AFG2A: variants seen among roughly 807,000 people sequenced by gnomAD.
The protein encoded by AFG2A is ATPase family gene 2 protein homolog A.
chr4:123,248,683 C>T, the AFG2A span, among the ~76,000 whole-genome samples: 1 of 152,022 alleles, frequency 6.6e-6, no homozygotes, highest in Non-Finnish European at 1.5e-5. Flanking sequence ...GAGAAGGGGG[C>T]AAGTAGAGAA....
the AFG2A span, among the ~76,000 whole-genome samples, chr4:122,996,417 A>G: frequency 6.6e-6 from 1 of 151,980 alleles, no homozygotes; most frequent in African/African-American, 2.4e-5. Flanking sequence ...GGTAGTTCCT[A>G]TTTTTTCAGA....
the AFG2A span, among the ~76,000 whole-genome samples, chr4:122,939,928 A>T: frequency 2.6e-5 from 4 of 152,132 alleles, no homozygotes; most frequent in Non-Finnish European, 5.9e-5. Flanking sequence ...GATGATTTCC[A>T]GTTTCATCCA....
the AFG2A span, among the ~76,000 whole-genome samples, chr4:123,015,201 T>TA: frequency 7.9e-5 from 12 of 151,244 alleles, no homozygotes; most frequent in Admixed American, 3.9e-4. Flanking sequence ...TTTTTTTTTT[T>TA]TAATTGATCA....
the AFG2A span, among the ~76,000 whole-genome samples, chr4:123,106,242 A>G: frequency 6.6e-6 from 1 of 152,304 alleles, no homozygotes; most frequent in South Asian, 2.1e-4. Context: ...TAAGGTATAT[A>G]TATTTTTCCC....
the AFG2A span, among the ~76,000 whole-genome samples, chr4:123,066,511 AT>A: frequency 2.6e-5 from 4 of 152,160 alleles, no homozygotes; most frequent in Non-Finnish European, 5.9e-5. Flanking sequence ...ATGTCTTCTG[AT>A]TTAATGCTCT....
the AFG2A span, among the ~76,000 whole-genome samples, chr4:123,247,582 A>ATGTCTGTTTGTT: frequency 1.3e-5 from 2 of 149,496 alleles, no homozygotes; most frequent in African/African-American, 2.5e-5. Flanking sequence ...GCTAATTTTT[A>ATGTCTGTTTGTT]TGTTTGTTTG....
At chr4:122,999,814 C>G in the AFG2A span, among the ~76,000 whole-genome samples, 2 of 151,892 alleles carry the variant, frequency 1.3e-5, no homozygotes, top group South Asian at 4.2e-4. Flanking sequence ...TCCATATGAA[C>G]TTTAAAGTAG....
the AFG2A span, among the ~76,000 whole-genome samples, chr4:123,112,999 A>G: frequency 6.6e-6 from 1 of 152,200 alleles, no homozygotes; most frequent in Admixed American, 6.5e-5. Flanking sequence ...AATAGAGGTT[A>G]GTGTGGAGTC....
At chr4:122,972,813 A>G in the AFG2A span, among the ~76,000 whole-genome samples, 1 of 152,186 alleles carries the variant, frequency 6.6e-6, no homozygotes, top group East Asian at 1.9e-4. Flanking sequence ...CTTGAGTTAC[A>G]TGGAGAGTTG....
chr4:123,197,263 A>G, the AFG2A span, among the ~76,000 whole-genome samples: 1 of 152,288 alleles, frequency 6.6e-6, no homozygotes, highest in Non-Finnish European at 1.5e-5. Context: ...ATAACTACCA[A>G]TGTTTATTAT....
chr4:123,107,312 G>A, the AFG2A span, among the ~76,000 whole-genome samples: 7 of 152,204 alleles, frequency 4.6e-5, no homozygotes, highest in Non-Finnish European at 8.8e-5. Context: ...TGAGGTATGT[G>A]GACAACTGGA....
the AFG2A span, among the ~76,000 whole-genome samples, chr4:123,248,404 G>A: frequency 4.6e-5 from 7 of 152,100 alleles, no homozygotes; most frequent in Non-Finnish European, 7.4e-5. Flanking sequence ...TTATGAAATC[G>A]TATTCCTGGA....
At chr4:123,308,737 A>G in the AFG2A span, among the ~76,000 whole-genome samples, 2 of 152,230 alleles carry the variant, frequency 1.3e-5, no homozygotes, top group Non-Finnish European at 2.9e-5. Flanking sequence ...TAAAAATACT[A>G]TAGATTGGCC....
At chr4:123,009,248 G>T in the AFG2A span, among the ~76,000 whole-genome samples, 25 of 152,174 alleles carry the variant, frequency 1.6e-4, no homozygotes, top group African/African-American at 5.1e-4. Context: ...AAACAGAGAA[G>T]TTCACTTGAG....
the AFG2A span, among the ~76,000 whole-genome samples, chr4:123,084,079 T>C: frequency 6.6e-6 from 1 of 152,078 alleles, no homozygotes; most frequent in Non-Finnish European, 1.5e-5. Context: ...ATCTAGGTTA[T>C]CAAATTTTGG....
chr4:123,033,243 C>G, the AFG2A span, among the ~76,000 whole-genome samples: 2 of 152,128 alleles, frequency 1.3e-5, no homozygotes, highest in Non-Finnish European at 2.9e-5. Context: ...TTTCGAAGGT[C>G]TAAGTGGTAG....
At chr4:123,273,338 T>C in the AFG2A span, among the ~76,000 whole-genome samples, 1 of 152,076 alleles carries the variant, frequency 6.6e-6, no homozygotes, top group African/African-American at 2.4e-5. Context: ...ACATACTGAG[T>C]TTGAGGTGTC....
the AFG2A span, among the ~76,000 whole-genome samples, chr4:123,011,868 T>C: frequency 3.8e-4 from 52 of 138,506 alleles, no homozygotes; most frequent in East Asian, 9.0e-3. Context: ...CCCTGGAAAG[T>C]GGAGAGAAAA....
chr4:123,102,368 G>C, the AFG2A span: 1 of 149,730 alleles, frequency 6.7e-6, no homozygotes, highest in Non-Finnish European at 1.5e-5. Flanking sequence ...AACCTTGCTT[G>C]ACAGTTGAAG....
Sources: allele counts gnomAD v4.1 joint callset (sites outside exome capture counted in the v4.1 genomes callset), GRCh38; gene constraint gnomAD v4.1.1; transcripts MANE v1.5; gene names NCBI Gene and HGNC (gene_info 2026-07-23, HGNC 2026-07-21).